Variants in RAB28 observed in about 807,000 individuals in gnomAD.
RAB28 encodes the protein RAB28, member RAS oncogene family, also known as ras-related protein Rab-28.
In RAB28, 24 loss-of-function variants were observed where a neutral mutation model predicts 31.7. The ratio of observed to expected loss-of-function variants is 0.76; its 90% confidence interval spans 0.55 to 1.06. The LOEUF (loss-of-function observed/expected upper bound fraction) is 1.06, where lower values mean the gene tolerates loss of function less well. Among genes scored for constraint, RAB28 ranks in the 50% least tolerant of loss-of-function variants. The probability of loss-of-function intolerance (pLI) is 0.00; values close to 1 mark genes in which losing one functional copy is unlikely to be tolerated. For missense variants in RAB28, 254 were observed against 258.5 expected (o/e 0.98, Z 0.12); for synonymous variants, 100 against 90.4 (o/e 1.11, Z -0.60).
intron 4 of RAB28, among the ~76,000 whole-genome samples, chr4:13,441,199 T>C (rs1026404868): frequency 6.6e-6 from 1 of 152,202 alleles, no homozygotes. Flanking sequence ...AATAGTTACA[T>C]AAAGTTTGCT....
At chr4:13,477,845 T>C (rs1716433863) in intron 2 of RAB28, among the ~76,000 whole-genome samples, 1 of 151,526 alleles carries the variant, frequency 6.6e-6, no homozygotes, top group Non-Finnish European at 1.5e-5. Context: ...AATTTTTAAA[T>C]TGGTAGTGCT....
chr4:13,452,754 G>A lies in RAB28; in HGVS notation c.391+7945C>T, dbSNP rs1308768244. Among the ~76,000 whole-genome samples the A allele has an allele frequency of 4.6e-5, 7 of 152,042 alleles. No homozygotes were observed. In the East Asian group the frequency reaches 1.3e-3, roughly 29 times the overall value. On this transcript the variant is annotated intron_variant, in intron 4 of 6. Coordinates refer to ENST00000330852, the MANE Select transcript of RAB28 (RefSeq NM_001017979.3). Reference sequence around the variant, plus strand: ...AGGTTTATTATGTAGTTGTTGGGCAGGTGAAATGTTCTGTAAACGTCTGTT... The same window carrying A: ...AGGTTTATTATGTAGTTGTTGGGCAAGTGAAATGTTCTGTAAACGTCTGTT...
intron 4 of RAB28, among the ~76,000 whole-genome samples, chr4:13,390,932 G>A (rs10003325): frequency 0.02 from 2,987 of 152,220 alleles, 90 homozygotes; most frequent in African/African-American, 0.067. Flanking sequence ...TTAAATGTTA[G>A]ACCTAAAACC....
At chr4:13,466,299 C>G (rs1241674841) in intron 3 of RAB28, among the ~76,000 whole-genome samples, 1 of 151,534 alleles carries the variant, frequency 6.6e-6, no homozygotes, top group African/African-American at 2.4e-5. Flanking sequence ...AAAATATTTT[C>G]AAGTCATACA....
At chr4:13,375,217 G>C (rs1728872008) in intron 6 of RAB28, among the ~76,000 whole-genome samples, 1 of 152,110 alleles carries the variant, frequency 6.6e-6, no homozygotes, top group South Asian at 2.1e-4. Flanking sequence ...TCAGCTTCCT[G>C]ATCATAAAAT....
At chr4:13,430,212 A>C (rs950068595) in intron 4 of RAB28, among the ~76,000 whole-genome samples, 2 of 152,192 alleles carry the variant, frequency 1.3e-5, no homozygotes, top group Non-Finnish European at 2.9e-5. Flanking sequence ...GAGAACAAGG[A>C]GCAGAAAACA....
At chr4:13,428,719 C>T (rs568687906) in intron 4 of RAB28, among the ~76,000 whole-genome samples, 1 of 152,170 alleles carries the variant, frequency 6.6e-6, no homozygotes, top group African/African-American at 2.4e-5. Flanking sequence ...AAGAAAAAAG[C>T]AGAAAGGTTA....
At chr4:13,420,615 A>G (rs1400596654) in intron 4 of RAB28, among the ~76,000 whole-genome samples, 1 of 152,214 alleles carries the variant, frequency 6.6e-6, no homozygotes, top group East Asian at 1.9e-4. Context: ...ATGCAAATCA[A>G]TAAATGTAAT....
intron 4 of RAB28, among the ~76,000 whole-genome samples, chr4:13,386,788 C>G (rs1729387022): frequency 6.6e-6 from 1 of 152,140 alleles, no homozygotes. Flanking sequence ...CTTAAAAACA[C>G]TTGCAAGTGT....
chr4:13,390,965 T>C (rs1193703814), intron 4 of RAB28, among the ~76,000 whole-genome samples: 4 of 152,146 alleles, frequency 2.6e-5, no homozygotes, highest in Admixed American at 2.0e-4. Flanking sequence ...GAAGAAAACC[T>C]GGGCAATACA....
intron 2 of RAB28, among the ~76,000 whole-genome samples, chr4:13,476,372 G>A (rs574556296): frequency 6.6e-6 from 1 of 151,030 alleles, no homozygotes; most frequent in South Asian, 2.1e-4. Flanking sequence ...GTGTTTGCCT[G>A]TTTTTTTTAA....
intron 5 of RAB28, among the ~76,000 whole-genome samples, chr4:13,378,228 A>G (rs1728997347): frequency 6.6e-6 from 1 of 152,212 alleles, no homozygotes; most frequent in African/African-American, 2.4e-5. Flanking sequence ...TGAAGCAGGA[A>G]GAAAACCAGG....
chr4:13,460,853 T>C (rs775789014), intron 3 of RAB28, 25 bp from the exon 4 acceptor site: 1 of 1,601,484 alleles, frequency 6.2e-7, no homozygotes, highest in South Asian at 1.1e-5. Flanking sequence ...TTACAAAATA[T>C]CTGTAATGTA....
In RAB28 at chr4:13,368,145, A is replaced by T. The variant is rs1250925117; in HGVS notation, c.*413T>A. 2 of 985,924 alleles carry T rather than the reference A, an allele frequency of 2.0e-6. No homozygotes were observed. The highest frequency in any genetic ancestry group is 1.1e-4 in the East Asian group (1 of 8,864). 61.1% of individuals were successfully genotyped at this position (985,924 alleles called of 1,614,324 possible). A position where few individuals can be genotyped will look rare whatever the true frequency, so the allele number is the denominator to read the frequency against. ...TTACTTGCTTAATGTTTGCACTCTGAAGTATACTTTGACACATACAAGTTC... is the reference window on the plus strand; with the variant it reads ...TTACTTGCTTAATGTTTGCACTCTGTAGTATACTTTGACACATACAAGTTC... On this transcript the variant is annotated 3_prime_UTR_variant, in exon 7 of 7. Transcript: ENST00000330852.
intron 4 of RAB28, among the ~76,000 whole-genome samples, chr4:13,410,021 T>C (rs753378281): frequency 1.7e-4 from 26 of 152,150 alleles, no homozygotes; most frequent in South Asian, 1.0e-3. Context: ...TCATGAGATC[T>C]GCTTGTTTTT....
At chr4:13,466,338 AC>A (rs1054048307) in intron 3 of RAB28, among the ~76,000 whole-genome samples, 3 of 152,000 alleles carry the variant, frequency 2.0e-5, no homozygotes, top group Non-Finnish European at 4.4e-5. Context: ...TCCAAAATAT[AC>A]GAGGAACTCA....
At chr4:13,417,503 C>T (rs1421218139) in intron 4 of RAB28, among the ~76,000 whole-genome samples, 2 of 152,292 alleles carry the variant, frequency 1.3e-5, no homozygotes, top group East Asian at 1.9e-4. Context: ...CCAACCGACA[C>T]CTCGTACAGG....
chr4:13,371,369 T>C (rs1728705824), intron 6 of RAB28: 2 of 985,318 alleles, frequency 2.0e-6, no homozygotes, highest in Non-Finnish European at 2.4e-6. Context: ...TGCCAAACTA[T>C]GGGTTACAAT....
intron 4 of RAB28, among the ~76,000 whole-genome samples, chr4:13,446,775 C>A (rs1413892393): frequency 6.6e-6 from 1 of 152,138 alleles, no homozygotes; most frequent in East Asian, 1.9e-4. Flanking sequence ...GAGCTGCAGA[C>A]AGGACCCTGT....
Sources: allele counts gnomAD v4.1 joint callset (sites outside exome capture counted in the v4.1 genomes callset), GRCh38; gene constraint gnomAD v4.1.1; transcripts MANE v1.5; gene names NCBI Gene and HGNC (gene_info 2026-07-23, HGNC 2026-07-21).